CCDC167: variants seen among roughly 807,000 people sequenced by gnomAD.
The protein encoded by CCDC167 is coiled-coil domain containing 167.
A neutral mutation model predicts 12.7 loss-of-function variants in CCDC167; 15 were observed. That is an observed-to-expected ratio of 1.18 (90% CI 0.79 to 1.81). The LOEUF (loss-of-function observed/expected upper bound fraction) is 1.81. CCDC167 is among the 40% of genes most tolerant of loss of function. The pLI is 0.00. For missense variants in CCDC167, 121 were observed against 120.1 expected, an observed-to-expected ratio of 1.01 and a Z score of -0.03; for synonymous variants, 52 against 49.0, an observed-to-expected ratio of 1.06 and a Z score of -0.26.
Position 37,483,248 on chromosome 6 carries a change from T to C in CCDC167, c.232A>G (p.Met78Val), listed in dbSNP as rs188157505. The C allele has an allele frequency of 1.9e-6, 3 of 1,614,056 alleles. No homozygotes were observed. The highest frequency in any genetic ancestry group is 2.2e-5 in the East Asian group (1 of 44,872). The change falls in exon 4 of 4, where the codon ATG becomes GTG. Residue 78 changes from methionine (M) to valine (V), a missense_variant. Met to Val is a conservative substitution (Grantham distance 21, BLOSUM62 1). Transcript: ENST00000373408. ...ATAAAGATGGCCACAGAGAGCAGCA[T>C]GTTCTTCCGGTTCTCTTGCCGAAGA... The part of the protein sequence containing the change: ...KFLRQENRKN[M>V]LLSVAIFILL...
chr6:37,492,669 G>A (rs1762038600), intron 1 of CCDC167, among the ~76,000 whole-genome samples: 1 of 152,202 alleles, frequency 6.6e-6, no homozygotes, highest in Non-Finnish European at 1.5e-5. Flanking sequence ...CCTGGAGAGT[G>A]GTGTCAGCTG....
intron 1 of CCDC167, among the ~76,000 whole-genome samples, chr6:37,498,280 CACTT>C (rs1762121646): frequency 6.6e-6 from 1 of 152,122 alleles, no homozygotes; most frequent in Non-Finnish European, 1.5e-5. Flanking sequence ...GAAAAAAACT[CACTT>C]TCTTGTTCTT....
In CCDC167 at chr6:37,483,216, C is replaced by T. The variant is rs576020127; in HGVS notation, c.264G>A (p.Leu88=). Residue 88 remains leucine (L), a synonymous_variant, in exon 4 of 4, where the codon CTG becomes CTA. Transcript: ENST00000373408. ...MLLSVAIFIL[L]TLVYAYWTM Reference sequence around the variant, plus strand: ...TGGTCCAGTAGGCATAGACGAGCGTCAGGAGGATAAAGATGGCCACAGAGA... The same window carrying T: ...TGGTCCAGTAGGCATAGACGAGCGTTAGGAGGATAAAGATGGCCACAGAGA... 6 of 1,614,084 alleles carry T rather than the reference C, an allele frequency of 3.7e-6. No individual in the cohort carries two copies. In the East Asian group the frequency reaches 1.1e-4, roughly 30 times the overall value.
chr6:37,487,001 CA>C (rs984384451), intron 1 of CCDC167, among the ~76,000 whole-genome samples: 16 of 144,002 alleles, frequency 1.1e-4, no homozygotes, highest in Non-Finnish European at 2.4e-4. Flanking sequence ...TTGGCTGTGG[CA>C]GGGGGGTGGG....
At chr6:37,492,958 G>A (rs969509158) in intron 1 of CCDC167, among the ~76,000 whole-genome samples, 2 of 152,156 alleles carry the variant, frequency 1.3e-5, no homozygotes, top group Non-Finnish European at 2.9e-5. Context: ...CTGTGGAGGC[G>A]GCTCACAGAG....
At chr6:37,483,775 G>A (rs531357795) in intron 3 of CCDC167, among the ~76,000 whole-genome samples, 3 of 152,292 alleles carry the variant, frequency 2.0e-5, no homozygotes, top group South Asian at 2.1e-4. Flanking sequence ...GCCCTCTGCC[G>A]GGTGCCTGGT....
Position 37,492,338 on chromosome 6 carries a change from C to G in CCDC167, c.43-7144G>C, listed in dbSNP as rs147285492. ...ATCTGGCTTCAACAGATTCTCTACTCGGAATAATCTTGTACAAGGCTCTGC... is the reference window on the plus strand; with the variant it reads ...ATCTGGCTTCAACAGATTCTCTACTGGGAATAATCTTGTACAAGGCTCTGC... On this transcript the variant is annotated intron_variant, in intron 1 of 3. Transcript: ENST00000373408. Among the ~76,000 whole-genome samples the G allele has an allele frequency of 8.5e-5, 13 of 152,344 alleles. No individual in the cohort carries two copies. In the East Asian group the frequency reaches 2.5e-3, roughly 29 times the overall value.
At chr6:37,491,841 A>G (rs1762026312) in intron 1 of CCDC167, among the ~76,000 whole-genome samples, 2 of 152,216 alleles carry the variant, frequency 1.3e-5, no homozygotes, top group African/African-American at 2.4e-5. Flanking sequence ...CAGCATCCAC[A>G]TTTGACAGAT....
In CCDC167 at chr6:37,484,736, CCCCTTGGGCTTCTGA is replaced by C. The variant is rs1761918755; in HGVS notation, c.190+59_190+73del. The C allele has an allele frequency of 3.2e-6, 5 of 1,562,004 alleles. No homozygotes were observed. In the South Asian group the frequency reaches 5.6e-5, roughly 17 times the overall value. ...CCTTGCTCCCTGCTGCCTTGTCAGG[CCCCTTGGGCTTCTGA>C]CCCTTCCTGGTTCTGGGGACTGGAG... On this transcript the variant is annotated intron_variant, in intron 3 of 3. Transcript: ENST00000373408.
At chr6:37,486,017 G>A (rs1321184343) in intron 1 of CCDC167, among the ~76,000 whole-genome samples, 1 of 152,188 alleles carries the variant, frequency 6.6e-6, no homozygotes, top group African/African-American at 2.4e-5. Context: ...CCATCTCCCT[G>A]TGTCTGACTC....
intron 1 of CCDC167, among the ~76,000 whole-genome samples, chr6:37,490,962 A>G (rs1324781086): frequency 6.6e-6 from 1 of 152,150 alleles, no homozygotes; most frequent in Admixed American, 6.5e-5. Flanking sequence ...TTATTCTGGG[A>G]GCTTTAAGGA....
intron 1 of CCDC167, among the ~76,000 whole-genome samples, chr6:37,495,288 G>C (rs962087382): frequency 6.6e-6 from 1 of 152,098 alleles, no homozygotes; most frequent in African/African-American, 2.4e-5. Context: ...AAGACCAACT[G>C]GTCACTGAAA....
chr6:37,492,041 T>C (rs914774912), intron 1 of CCDC167, among the ~76,000 whole-genome samples: 3 of 152,196 alleles, frequency 2.0e-5, no homozygotes, highest in Non-Finnish European at 4.4e-5. Flanking sequence ...TGTGGGCAGC[T>C]TCCTGTGTCT....
chr6:37,492,177 G>C (rs1019855156), intron 1 of CCDC167, among the ~76,000 whole-genome samples: 16 of 152,182 alleles, frequency 1.1e-4, no homozygotes, highest in African/African-American at 3.9e-4. Flanking sequence ...CTGAATCTGG[G>C]TTTTTCTGCT....
At chr6:37,492,383 C>T (rs1321711000) in intron 1 of CCDC167, among the ~76,000 whole-genome samples, 1 of 152,190 alleles carries the variant, frequency 6.6e-6, no homozygotes, top group African/African-American at 2.4e-5. Context: ...GTCTACATAA[C>T]AGATACTCTC....
intron 1 of CCDC167, among the ~76,000 whole-genome samples, chr6:37,492,858 C>CACA (rs1762040646): frequency 6.6e-6 from 1 of 152,208 alleles, no homozygotes. Context: ...CACAGCAAGT[C>CACA]ACACGGGGTT....
At position 37,499,822 on chromosome 6, in the gene CCDC167, C is replaced by T. The variant is rs1015570369; in HGVS notation, c.42G>A (p.Glu14=). ...KKRENLGVAL[E]IDGLEEKLSQ... is the part of the protein sequence containing the mutation. The stretch of plus-strand genomic sequence containing the variant: ...GCCCAACCCCCACTTTTCCCCTCAC[C>T]TCTAGAGCGACGCCCAGATTCTCCC... The change falls in exon 1 of 4, where the codon GAG becomes GAA. Residue 14 remains glutamate (E), a splice_region_variant and synonymous_variant. Transcript: ENST00000373408. 2 of 1,614,066 alleles carry T rather than the reference C, an allele frequency of 1.2e-6. No individual in the cohort carries two copies. Among genetic ancestry groups the T allele is most frequent in the East Asian group, 2.2e-5 (1 of 44,898 alleles).
chr6:37,499,487 C>T (rs1324135068), intron 1 of CCDC167, among the ~76,000 whole-genome samples: 1 of 152,174 alleles, frequency 6.6e-6, no homozygotes, highest in Non-Finnish European at 1.5e-5. Context: ...TCTCCCTCAC[C>T]TCTGTACCCA....
At chr6:37,489,549 T>C (rs1761989092) in intron 1 of CCDC167, among the ~76,000 whole-genome samples, 1 of 152,120 alleles carries the variant, frequency 6.6e-6, no homozygotes, top group East Asian at 1.9e-4. Flanking sequence ...AATCCTAGCG[T>C]GAGAGGCCTG....
Sources: allele counts gnomAD v4.1 joint callset (sites outside exome capture counted in the v4.1 genomes callset), GRCh38; gene constraint gnomAD v4.1.1; transcripts MANE v1.5; gene names NCBI Gene and HGNC (gene_info 2026-07-23, HGNC 2026-07-21).